Variants in SZT2 observed in about 807,000 individuals in gnomAD.
The protein encoded by SZT2 is KICSTOR complex protein SZT2.
Under a neutral mutation model 404.2 loss-of-function variants are expected in SZT2, and 216 were observed. The ratio of observed to expected loss-of-function variants is 0.53; its 90% CI spans 0.48 to 0.60. SZT2 has a LOEUF of 0.60. SZT2 is among the 20% of genes least tolerant of loss of function. SZT2 has a pLI of 0.00. For synonymous variants in SZT2, 1,693 were observed against 1,749.9 expected, an observed-to-expected ratio of 0.97 and a Z score of 0.81; for missense variants, 3,857 against 4,459.2, an observed-to-expected ratio of 0.86 and a Z score of 3.85.
Position 43,441,161 on chromosome 1 carries a change from C to G in SZT2, c.7345-53C>G. 6.3e-7 allele frequency: 1 copy of G among 1,588,824 alleles called. No homozygotes were observed. Among genetic ancestry groups the G allele is most frequent in the Non-Finnish European group, 8.6e-7 (1 of 1,165,124 alleles). On this transcript the variant is annotated intron_variant, in intron 52 of 71. Coordinates refer to ENST00000634258, the MANE Select transcript of SZT2 (RefSeq NM_001365999.1). The surrounding 1 kb of genome is among the most constrained non-coding windows in gnomAD (Gnocchi z 4.8). ...ACTGCTGTTCCATAGTGCCCCCATC[C>G]CACACCTTTCCTCTTCCCAGTAGCC...
Position 43,442,565 on chromosome 1 carries a change from C to T in SZT2, c.8098C>T (p.Leu2700Phe), listed in dbSNP as rs747080931. ...CATCTTCTGCCTACTCAGCCAGAAG[C>T]TTGGCCTCTTCCATCATTATGGCCA... is the stretch of plus-strand genomic sequence containing the variant. ...HLIFCLLSQK[L>F]GLFHHYGQLD... The change falls in exon 58 of 72, where the codon CTT (leucine) becomes TTT (phenylalanine). Residue 2700 changes from leucine to phenylalanine, a missense_variant. Leu to Phe is a conservative substitution (Grantham distance 22). Coordinates refer to ENST00000634258, the MANE Select transcript of SZT2 (RefSeq NM_001365999.1). The surrounding 1 kb of genome is among the most constrained non-coding windows in gnomAD (Gnocchi z 4.5). The T allele has an allele frequency of 1.9e-6, 3 of 1,613,750 alleles. No homozygotes were observed. Among genetic ancestry groups the T allele is most frequent in the Non-Finnish European group, 8.5e-7 (1 of 1,179,816 alleles).
intron 1 of SZT2, 152 bp downstream of exon 1, chr1:43,390,147 A>G (rs1422051803): frequency 7.0e-6 from 6 of 858,746 alleles, no homozygotes; most frequent in Non-Finnish European, 9.7e-6. Context: ...CGACTATGGT[A>G]CCCCTGCGGA....
At position 43,397,457 on chromosome 1, in the gene SZT2, G is replaced by T. The variant is rs1340494888; in HGVS notation, c.28-5720G>T. On this transcript the variant is annotated intron_variant, in intron 1 of 71. Coordinates refer to ENST00000634258, the MANE Select transcript of SZT2 (RefSeq NM_001365999.1). ...AAAAAAAGAAAAGAAACAATATGTA[G>T]ACATGGCCTCCACCTCGCTGGATCT... Among the ~76,000 whole-genome samples the T allele has an allele frequency of 1.2e-3, 180 of 151,418 alleles. No homozygotes were observed. The East Asian group carries it at 0.023, about 19-fold the overall frequency.
chr1:43,431,737 G>A lies in SZT2; in HGVS notation c.5110G>A (p.Glu1704Lys). ...MNEIRWLLED[E>K]MVGALRRGGI... ...GTAGATCCGCTGGTTGTTGGAAGAT[G>A]AGATGGTGGGGGCACTCCGAAGAGG... is the stretch of plus-strand genomic sequence containing the variant. The change falls in exon 36 of 72, where the codon GAG becomes AAG. Residue 1704 changes from glutamate to lysine, a missense_variant. Glu to Lys is a moderately conservative substitution (Grantham distance 56). Coordinates refer to ENST00000634258, the MANE Select transcript of SZT2 (RefSeq NM_001365999.1). 1 of 1,614,208 alleles carries A rather than the reference G, an allele frequency of 6.2e-7. No homozygotes were observed. The highest frequency in any genetic ancestry group is 8.5e-7 in the Non-Finnish European group (1 of 1,180,032).
chr1:43,452,549 C>T lies in SZT2; in HGVS notation c.*2069C>T. The T allele has an allele frequency of 1.6e-6, 1 of 633,648 alleles. No individual in the cohort carries two copies. The highest frequency in any genetic ancestry group is 2.9e-6 in the Non-Finnish European group (1 of 349,626). The allele number at this position is 633,648 out of a possible 1,614,324, so 39.3% of individuals were successfully genotyped here. On this transcript the variant is annotated 3_prime_UTR_variant, in exon 72 of 72. Coordinates refer to ENST00000634258, the MANE Select transcript of SZT2 (RefSeq NM_001365999.1). ...CACCCACCGCCTCCTGCCTCCAGTA[C>T]TTTCCAAAACCTTTCCTTCCCTCGG... is the stretch of plus-strand genomic sequence containing the variant.
intron 4 of SZT2, chr1:43,409,826 C>G (rs187194329): frequency 6.2e-6 from 1 of 161,682 alleles, no homozygotes. Flanking sequence ...GTTAAAATGC[C>G]CACACTGCCT....
chr1:43,442,998 C>G lies in SZT2; in HGVS notation c.8331C>G (p.Ser2777Arg). The change falls in exon 59 of 72, where the codon AGC becomes AGG. Residue 2777 changes from serine (S) to arginine (R), a missense_variant. Physicochemically the swap from Ser to Arg is moderately radical, Grantham distance 110. Coordinates refer to ENST00000634258, the MANE Select transcript of SZT2 (RefSeq NM_001365999.1). The surrounding 1 kb of genome is among the most constrained non-coding windows in gnomAD (Gnocchi z 4.5). ...ALRDITAARP[S>R]SVLGPVPRPP... The stretch of plus-strand genomic sequence containing the variant: ...GGGATATCACGGCTGCCCGCCCCAG[C>G]TCCGTACTTGGTCCTGTGCCCAGAC... The G allele has an allele frequency of 6.2e-7, 1 of 1,614,190 alleles. No homozygotes were observed. The highest frequency in any genetic ancestry group is 8.5e-7 in the Non-Finnish European group (1 of 1,180,016).
rs1459468295 is a variant in SZT2, at chr1:43,443,811, GT to G, written c.8825+19del. On this transcript the variant is annotated intron_variant, in intron 62 of 71. Transcript: ENST00000634258. ...CCCGCCCGCAGGTGAGCCCGTCCCT[GT>G]TTTCCCTTCTGTCTTCTCCTCCTGC... 6.2e-7 allele frequency: 1 copy of G among 1,612,710 alleles called. No individual in the cohort carries two copies. Among genetic ancestry groups the G allele is most frequent in the Non-Finnish European group, 8.5e-7 (1 of 1,179,952 alleles).
chr1:43,411,567 G>A (rs570823726), intron 4 of SZT2, among the ~76,000 whole-genome samples: 27 of 152,322 alleles, frequency 1.8e-4, no homozygotes, highest in Admixed American at 1.8e-3. Flanking sequence ...AGATTGGGCA[G>A]GAACCAGAAG....
rs1018541809 is a variant in SZT2, at chr1:43,425,417, G to A, written c.2646-57G>A. 1.2e-6 allele frequency: 2 copies of A among 1,603,306 alleles called. No individual in the cohort carries two copies. The highest frequency in any genetic ancestry group is 2.7e-5 in the African/African-American group (2 of 74,744). ...TCTGTGCCTGCCTCCTTCCCTCCAT[G>A]AGGTTCACTCCCTGCCATGAGGCTG... On this transcript the variant is annotated intron_variant, in intron 18 of 71. Transcript: ENST00000634258. The surrounding 1 kb of genome is among the most constrained non-coding windows in gnomAD (Gnocchi z 4.3).
At chr1:43,403,153 GT>G (rs1222466352) in intron 1 of SZT2, 23 bp from the exon 2 acceptor site, 17 of 1,612,534 alleles carry the variant, frequency 1.1e-5, no homozygotes, top group African/African-American at 1.3e-5. Flanking sequence ...TTTTAAAGAT[GT>G]ATTAATGTCT....
intron 66 of SZT2, 107 bp from the exon 67 acceptor site, chr1:43,447,438 C>A: frequency 6.9e-7 from 1 of 1,457,170 alleles, no homozygotes; most frequent in South Asian, 1.3e-5. Flanking sequence ...AGCAGACCCA[C>A]TCTGCCTGCC....
chr1:43,439,908 T>A lies in SZT2; in HGVS notation c.7070T>A (p.Leu2357Ter), dbSNP rs374964399. 6.2e-7 allele frequency: 1 copy of A among 1,608,380 alleles called. No individual in the cohort carries two copies. Reference protein sequence around the residue: ...SAQNGAPRLRLDVWEKGNISI... With the variant: ...SAQNGAPRLR ...CAGAATGGGGCCCCACGGCTTCGAT[T>A]GGATGTGTGGGAAAAGGGGAACATT... The change falls in exon 51 of 72, where the codon TTG (leucine) becomes TAG (stop). Residue 2357 changes from leucine to a stop codon, truncating the protein, a stop_gained. Transcript: ENST00000634258. LOFTEE classifies it high-confidence loss of function. The surrounding 1 kb of genome is among the most constrained non-coding windows in gnomAD (Gnocchi z 4.2).
chr1:43,427,250 G>A, intron 24 of SZT2, 31 bp from the exon 25 acceptor site: 2 of 1,604,510 alleles, frequency 1.2e-6, no homozygotes, highest in African/African-American at 1.3e-5. Context: ...GGCCCACCAG[G>A]CAGCTCTGAT....
chr1:43,408,264 G>GT (rs979824208), intron 4 of SZT2, among the ~76,000 whole-genome samples: 2 of 151,086 alleles, frequency 1.3e-5, no homozygotes, highest in African/African-American at 4.9e-5. Flanking sequence ...TTTATGTCCT[G>GT]TTTTTTGTTT....
intron 25 of SZT2, 42 bp downstream of exon 25, chr1:43,427,487 A>G: frequency 3.7e-6 from 6 of 1,612,800 alleles, no homozygotes; most frequent in Non-Finnish European, 5.1e-6. Context: ...GGGAGTGGGA[A>G]ACAGATAGAG....
rs1656655630 is a variant in SZT2, at chr1:43,453,376, AG to A, written c.*2897del. On this transcript the variant is annotated 3_prime_UTR_variant, in exon 72 of 72. Coordinates refer to ENST00000634258, the MANE Select transcript of SZT2 (RefSeq NM_001365999.1). ...GGTCACAGGGGTGGGGGTGGGGTGGAGCGGGGTACCTGGGACAGCCCAGGGC... is the reference window on the plus strand; with the variant it reads ...GGTCACAGGGGTGGGGGTGGGGTGGACGGGGTACCTGGGACAGCCCAGGGC... The A allele has an allele frequency of 2.0e-6, 3 of 1,515,452 alleles. No homozygotes were observed. The highest frequency in any genetic ancestry group is 2.7e-6 in the Non-Finnish European group (3 of 1,118,290). 93.9% of individuals were successfully genotyped at this position (1,515,452 alleles called of 1,614,324 possible). A position where few individuals can be genotyped will look rare whatever the true frequency, so the allele number is the denominator to read the frequency against.
Position 43,442,255 on chromosome 1 carries a change from C to G in SZT2, c.7874-13C>G. ...TTCCCAGGCCCCTATTGTGCCCCTCCCCCACCCTGTAGCTGCCAAAGCCAT... is the reference window on the plus strand; with the variant it reads ...TTCCCAGGCCCCTATTGTGCCCCTCGCCCACCCTGTAGCTGCCAAAGCCAT... On this transcript the variant is annotated splice_polypyrimidine_tract_variant and intron_variant, in intron 56 of 71. Transcript: ENST00000634258. The surrounding 1 kb of genome is among the most constrained non-coding windows in gnomAD (Gnocchi z 4.5). The G allele has an allele frequency of 6.2e-7, 1 of 1,610,594 alleles. No homozygotes were observed. Among genetic ancestry groups the G allele is most frequent in the African/African-American group, 1.3e-5 (1 of 74,986 alleles).
chr1:43,403,244 T>C lies in SZT2; in HGVS notation c.95T>C (p.Leu32Pro). Residue 32 changes from leucine (L) to proline (P), a missense_variant, in exon 2 of 72, where the codon CTG (leucine) becomes CCG (proline). Physicochemically the swap from Leu to Pro is moderately conservative, Grantham distance 98 (BLOSUM62 -3). Coordinates refer to ENST00000634258, the MANE Select transcript of SZT2 (RefSeq NM_001365999.1). ...TATCGAATCTCCCGAAATGTTCGCC[T>C]GGCTTGGTTCCTCAGTCATCTGCAC... is the stretch of plus-strand genomic sequence containing the variant. ...KDYRISRNVR[L>P]AWFLSHLHQT... is the part of the protein sequence containing the mutation. 1 of 1,614,178 alleles carries C rather than the reference T, an allele frequency of 6.2e-7. No individual in the cohort carries two copies. The highest frequency in any genetic ancestry group is 2.2e-5 in the East Asian group (1 of 44,884).
Sources: allele counts gnomAD v4.1 joint callset (sites outside exome capture counted in the v4.1 genomes callset), GRCh38; gene constraint gnomAD v4.1.1; non-coding constraint Gnocchi (gnomAD v3.1); transcripts MANE v1.5; gene names NCBI Gene and HGNC (gene_info 2026-07-23, HGNC 2026-07-21).